The following COL5A3 variants were observed in gnomAD, a reference collection of about 807,000 sequenced individuals.
The protein encoded by COL5A3 is collagen alpha-3(V) chain.
COL5A3 carries 172 observed loss-of-function variants against 250.0 expected under a neutral mutation model. That is an observed-to-expected ratio of 0.69 (90% confidence interval 0.61 to 0.78). The LOEUF is 0.78. Among genes scored for constraint, COL5A3 ranks in the 30% least tolerant of loss-of-function variants. COL5A3 has a pLI of 0.00. For synonymous variants in COL5A3, 937 were observed against 900.4 expected (o/e 1.04, Z -0.73); for missense variants, 2,340 against 2,334.4 (o/e 1.00, Z -0.05).
intron 61 of COL5A3, 198 bp from the exon 62 acceptor site, chr19:9,967,598 T>C: frequency 1.7e-6 from 1 of 578,974 alleles, no homozygotes; most frequent in Non-Finnish European, 3.0e-6. Context: ...GCATTAGGCA[T>C]CAGACACAAA....
chr19:10,010,358 G>T lies in COL5A3; in HGVS notation c.28C>A (p.Pro10Thr). The T allele has an allele frequency of 6.8e-7, 1 of 1,465,568 alleles. No individual in the cohort carries two copies. The highest frequency in any genetic ancestry group is 9.1e-7 in the Non-Finnish European group (1 of 1,104,504). The allele number at this position is 1,465,568 out of a possible 1,614,324, so 90.8% of individuals were successfully genotyped here. Residue 10 changes from proline (P) to threonine (T), a missense_variant, in exon 1 of 67, where the codon CCG becomes ACG. Pro to Thr is a conservative substitution (Grantham distance 38). Coordinates refer to ENST00000264828, the MANE Select transcript of COL5A3 (RefSeq NM_015719.4). Reference protein sequence around the residue: MGNRRDLGQPRAGLCLLLAA... With the variant: MGNRRDLGQTRAGLCLLLAA... ...AGGAGCAGGCAGAGACCGGCCCGCGGCTGGCCCAGGTCCCGGCGGTTCCCC... is the reference window on the plus strand; with the variant it reads ...AGGAGCAGGCAGAGACCGGCCCGCGTCTGGCCCAGGTCCCGGCGGTTCCCC...
chr19:9,976,524 C>T (rs2287810), intron 45 of COL5A3, 34 bp downstream of exon 45: 645,413 of 1,516,522 alleles, frequency 0.43, 138,464 homozygotes, highest in South Asian at 0.46. Flanking sequence ...CCTTCAAGGA[C>T]CCAGAGAAGG....
chr19:9,993,460 G>A, intron 18 of COL5A3, 27 bp from the exon 19 acceptor site: 1 of 1,613,240 alleles, frequency 6.2e-7, no homozygotes, highest in Non-Finnish European at 8.5e-7. Context: ...GGGGAGTTCA[G>A]AGTGGAAGGG....
chr19:9,968,158 C>T lies in COL5A3; in HGVS notation c.4315-79G>A, dbSNP rs910976525. ...ACATCCCCCAGACAAGCCTTCAATC[C>T]TACCAAAGGAAGACCCCGAACCCTA... On this transcript the variant is annotated intron_variant, in intron 59 of 66. Coordinates refer to ENST00000264828, the MANE Select transcript of COL5A3 (RefSeq NM_015719.4). The surrounding 1 kb of genome is among the most constrained non-coding windows in gnomAD (Gnocchi z 4.1). 1 of 1,411,186 alleles carries T rather than the reference C, an allele frequency of 7.1e-7. No individual in the cohort carries two copies. Among genetic ancestry groups the T allele is most frequent in the African/African-American group, 1.5e-5 (1 of 68,666 alleles). 87.4% of individuals were successfully genotyped at this position (1,411,186 alleles called of 1,614,324 possible).
At chr19:10,010,176 G>C in intron 1 of COL5A3, 122 bp downstream of exon 1, 1 of 378,718 alleles carries the variant, frequency 2.6e-6, no homozygotes. Flanking sequence ...ACATCACACC[G>C]GGGCCGCACG....
intron 28 of COL5A3, 31 bp downstream of exon 28, chr19:9,986,683 C>G: frequency 6.2e-7 from 1 of 1,613,924 alleles, no homozygotes; most frequent in South Asian, 1.1e-5. Flanking sequence ...TTGGGACTCC[C>G]TCTCCTCTGA....
intron 27 of COL5A3, among the ~76,000 whole-genome samples, chr19:9,988,855 A>AAAAAAAAAAAAAAGAGAGAGAGAAAG (rs1269531312): frequency 1.8e-4 from 19 of 104,712 alleles, no homozygotes; most frequent in South Asian, 1.8e-3. Context: ...AAAAAAAAAA[A>AAAAAAAAAAAAAAGAGAGAGAGAAAG]AAAGAAAGTA....
intron 5 of COL5A3, 94 bp downstream of exon 5, chr19:10,003,947 C>A: frequency 8.8e-7 from 1 of 1,136,582 alleles, no homozygotes; most frequent in Non-Finnish European, 1.3e-6. Flanking sequence ...AACCCCATGT[C>A]TGGGGGATGA....
intron 64 of COL5A3, among the ~76,000 whole-genome samples, chr19:9,963,335 A>ACCTCAGC: frequency 6.6e-6 from 1 of 152,034 alleles, no homozygotes; most frequent in African/African-American, 2.4e-5. Flanking sequence ...CAATCCTCCC[A>ACCTCAGC]CTGCAGCCTC....
intron 52 of COL5A3, 87 bp from the exon 53 acceptor site, chr19:9,971,115 G>T: frequency 1.4e-6 from 2 of 1,411,422 alleles, no homozygotes; most frequent in East Asian, 2.6e-5. Flanking sequence ...AACGTTTTTG[G>T]TTCCACTGTC....
intron 62 of COL5A3, 115 bp from the exon 63 acceptor site, chr19:9,966,861 GGA>G: frequency 1.3e-6 from 1 of 781,588 alleles, no homozygotes; most frequent in Non-Finnish European, 2.0e-6. Flanking sequence ...GAAAGAGGAG[GGA>G]GAGAGATAAA....
rs1047273706 is a variant in COL5A3 at position 10,005,616 on chromosome 19, A to G, written c.536T>C (p.Ile179Thr). 3 of 1,613,990 alleles carry G rather than the reference A, an allele frequency of 1.9e-6. No individual in the cohort carries two copies. The highest frequency in any genetic ancestry group is 2.7e-5 in the African/African-American group (2 of 74,916). ...CAGCACAGTGAGTCCAGCTATGCTG[A>G]TGAAGCGGGGGCCATGGCCCAAAAC... ...PPVLGHGPRF[I>T]SIAGLTVLGT... Residue 179 changes from isoleucine to threonine, a missense_variant, in exon 4 of 67, where the codon ATC (isoleucine) becomes ACC (threonine). Ile to Thr is a moderately conservative substitution (Grantham distance 89, BLOSUM62 -1). Coordinates refer to ENST00000264828, the MANE Select transcript of COL5A3 (RefSeq NM_015719.4).
At chr19:9,981,027 T>C in intron 33 of COL5A3, 61 bp downstream of exon 33, 2 of 1,580,178 alleles carry the variant, frequency 1.3e-6, no homozygotes, top group South Asian at 1.1e-5. Flanking sequence ...CTCCACTACC[T>C]TTCCTTCCCA....
Position 9,968,533 on chromosome 19 carries a change from G to A in COL5A3, c.4207-41C>T, listed in dbSNP as rs190301245. On this transcript the variant is annotated intron_variant, in intron 58 of 66. Transcript: ENST00000264828. The surrounding 1 kb of genome is among the most constrained non-coding windows in gnomAD (Gnocchi z 4.1). ...GGCACAGACAGGGGAGGACGTGGGA[G>A]GATTCAGGGAGGTTTTTCTCCTAGA... 2.9e-4 allele frequency: 452 copies of A among 1,574,896 alleles called. No homozygotes were observed. The highest frequency in any genetic ancestry group is 6.8e-4 in the Middle Eastern group (4 of 5,900).
chr19:9,970,252 T>G (rs1445390462), intron 54 of COL5A3, among the ~76,000 whole-genome samples: 1 of 11,228 alleles, frequency 8.9e-5, no homozygotes, highest in African/African-American at 4.2e-4. Context: ...GTCTTTGGGG[T>G]GAGGTGGGGT....
chr19:10,007,792 G>A (rs1475297316), intron 1 of COL5A3, among the ~76,000 whole-genome samples: 2 of 152,126 alleles, frequency 1.3e-5, no homozygotes, highest in African/African-American at 4.8e-5. Flanking sequence ...CAGACTCCTC[G>A]GAGGCCTGTT....
rs113489314 is a variant in COL5A3 at position 9,968,096 on chromosome 19, G to A, written c.4315-17C>T. The A allele has an allele frequency of 1.7e-3, 2,623 of 1,585,494 alleles. 25 individuals carry two copies. The African/African-American group carries it at 0.031, about 19-fold the overall frequency. The stretch of plus-strand genomic sequence containing the variant: ...AGGGGGACCCTAGGAAAAGGACATC[G>A]GGTCAGTATTGGTGGGGTACACCCT... On this transcript the variant is annotated splice_polypyrimidine_tract_variant and intron_variant, in intron 59 of 66. Transcript: ENST00000264828. The surrounding 1 kb of genome is among the most constrained non-coding windows in gnomAD (Gnocchi z 4.1).
rs370497270 is a variant in COL5A3 at position 10,009,496 on chromosome 19, G to T, written c.88+802C>A. On this transcript the variant is annotated intron_variant, in intron 1 of 66. Transcript: ENST00000264828. The surrounding 1 kb of genome is among the most constrained non-coding windows in gnomAD (Gnocchi z 4.4). ...GGCTCCAGCAGCTGGGGTGGGGAGGGGGGGAGCAACTTCCACTCCTGCCCC... is the reference window on the plus strand; with the variant it reads ...GGCTCCAGCAGCTGGGGTGGGGAGGTGGGGAGCAACTTCCACTCCTGCCCC... Among the ~76,000 whole-genome samples, 7 of 152,086 alleles carry T rather than the reference G, an allele frequency of 4.6e-5. No homozygotes were observed. Among genetic ancestry groups the T allele is most frequent in the East Asian group, 1.9e-4 (1 of 5,168 alleles).
Position 10,005,860 on chromosome 19 carries a change from C to G in COL5A3, c.373G>C (p.Ala125Pro). The change falls in exon 3 of 67, where the codon GCG (alanine) becomes CCG (proline). Residue 125 changes from alanine to proline, a missense_variant. Physicochemically the swap from Ala to Pro is conservative, Grantham distance 27. This residue lies in a region of COL5A3 where 1,152 missense variants were observed against 1,146.3 expected (regional missense o/e 1.00). Transcript: ENST00000264828. The part of the protein sequence containing the change: ...ARQLGLALGP[A>P]LGLLGDPFRP... The stretch of plus-strand genomic sequence containing the variant: ...AAGGGGTCACCTAGGAGACCCAGCG[C>G]TGGCCCCAGTGCCAGGCCCAACTGC... 3 of 1,613,836 alleles carry G rather than the reference C, an allele frequency of 1.9e-6. No homozygotes were observed. In the South Asian group the frequency reaches 3.3e-5, roughly 18 times the overall value.
Sources: gnomAD v4.1 joint callset for allele counts (sites outside exome capture counted in the v4.1 genomes callset) on GRCh38, gnomAD v4.1.1 for gene constraint, gnomAD v4.1.1 regional missense constraint, Gnocchi (gnomAD v3.1) non-coding constraint, MANE v1.5 for transcripts, NCBI Gene and HGNC (gene_info 2026-07-23, HGNC 2026-07-21) for gene names.